Variants in HOMER2 observed in about 807,000 individuals in gnomAD.
HOMER2 encodes homer scaffold protein 2.
A neutral mutation model predicts 47.0 loss-of-function variants in HOMER2; 27 were observed. The observed-to-expected ratio is 0.57, with a 90% CI of 0.42 to 0.79. The LOEUF is 0.79. Ranked by LOEUF, HOMER2 falls within the 30% of genes least tolerant of loss-of-function variation. HOMER2 has a pLI of 0.00. For missense variants in HOMER2, 443 were observed against 435.0 expected, an observed-to-expected ratio of 1.02 and a Z score of -0.16; for synonymous variants, 161 against 163.8, an observed-to-expected ratio of 0.98 and a Z score of 0.13.
chr15:82,925,102 C>A (rs902822464), intron 1 of HOMER2, among the ~76,000 whole-genome samples: 2 of 152,178 alleles, frequency 1.3e-5, no homozygotes, highest in Non-Finnish European at 1.5e-5. Flanking sequence ...TCATCTCAGG[C>A]CTTAAGGAAT....
At chr15:82,963,130 G>A (rs1035026615) in intron 1 of HOMER2, among the ~76,000 whole-genome samples, 3 of 152,174 alleles carry the variant, frequency 2.0e-5, no homozygotes. Context: ...TGTTGCCCAG[G>A]CTAGCGTGTA....
chr15:82,918,906 C>T (rs140591796), intron 1 of HOMER2, among the ~76,000 whole-genome samples: 2 of 152,312 alleles, frequency 1.3e-5, no homozygotes, highest in African/African-American at 2.4e-5. Flanking sequence ...ATGAAAGACA[C>T]GCAGACTCAT....
intron 1 of HOMER2, among the ~76,000 whole-genome samples, chr15:82,976,112 A>AGT (rs1379552169): frequency 4.6e-5 from 7 of 152,246 alleles, no homozygotes; most frequent in South Asian, 2.1e-4. Flanking sequence ...CAATCCACAT[A>AGT]GTGTGTGTGT....
In HOMER2 at chr15:82,859,072, GGT is replaced by G. The variant is rs1474256952; in HGVS notation, c.449_450del (p.His150ProfsTer4). On this transcript the variant is annotated frameshift_variant, in exon 5 of 9. Coordinates refer to ENST00000450735, the MANE Select transcript of HOMER2 (RefSeq NM_004839.4). LOFTEE classifies it high-confidence loss of function. Reference sequence around the variant, plus strand: ...TTCAGCTTGTCATTCTCAGACTTCAGGTGTGTGTTGGCTGGACCGGCGTGAGA... The same window carrying G: ...TTCAGCTTGTCATTCTCAGACTTCAGGTGTGTTGGCTGGACCGGCGTGAGA... Reference protein sequence around the residue: ...KASHAGPANTHLKSENDKLKI... With the variant: ...KASHAGPANTXLKSENDKLKI... The G allele has an allele frequency of 1.2e-6, 2 of 1,614,018 alleles. No individual in the cohort carries two copies. The highest frequency in any genetic ancestry group is 1.3e-5 in the African/African-American group (1 of 75,044).
At chr15:82,903,231 G>C (rs1038758938) in intron 1 of HOMER2, among the ~76,000 whole-genome samples, 2 of 152,196 alleles carry the variant, frequency 1.3e-5, no homozygotes, top group African/African-American at 4.8e-5. Context: ...AAGGAAGGGA[G>C]TGGGTTCCTG....
At chr15:82,854,548 G>A in intron 6 of HOMER2, 96 bp downstream of exon 6, 12 of 1,346,514 alleles carry the variant, frequency 8.9e-6, no homozygotes, top group Admixed American at 2.1e-5. Flanking sequence ...GGGGATAAGG[G>A]CAAAGTTGGG....
At chr15:82,871,431 C>T (rs2052172722) in intron 3 of HOMER2, among the ~76,000 whole-genome samples, 2 of 152,168 alleles carry the variant, frequency 1.3e-5, no homozygotes, top group Admixed American at 1.3e-4. Flanking sequence ...CCTGGCTGTC[C>T]CCTCAGCACA....
chr15:82,937,144 G>A (rs1377328313), intron 1 of HOMER2, among the ~76,000 whole-genome samples: 1 of 152,164 alleles, frequency 6.6e-6, no homozygotes, highest in East Asian at 1.9e-4. Flanking sequence ...GGATGACAGA[G>A]GATGTGTTTC....
At chr15:82,841,814 T>C (rs2051178928) in exon 2 of HOMER2, 1 of 152,202 alleles carries the variant, frequency 6.6e-6, no homozygotes, top group Non-Finnish European at 1.5e-5. Flanking sequence ...ACTACTCTCT[T>C]ATGCAGAGGT....
At chr15:82,910,061 A>T (rs2053407910) in intron 1 of HOMER2, among the ~76,000 whole-genome samples, 1 of 132,678 alleles carries the variant, frequency 7.5e-6, no homozygotes, top group Non-Finnish European at 1.6e-5. Flanking sequence ...TGAACCTGGG[A>T]GGTAGAAGTT....
intron 1 of HOMER2, among the ~76,000 whole-genome samples, chr15:82,960,849 T>C (rs1029965828): frequency 6.6e-6 from 1 of 152,152 alleles, no homozygotes; most frequent in African/African-American, 2.4e-5. Flanking sequence ...TGTGAGGTCT[T>C]CTGGAAATCT....
At chr15:82,859,298 G>GTTT in intron 4 of HOMER2, 163 bp from the exon 5 acceptor site, 2 of 746,884 alleles carry the variant, frequency 2.7e-6, no homozygotes, top group Admixed American at 7.4e-5. Context: ...AGACTAACAA[G>GTTT]TTTTTGTTTT....
intron 2 of HOMER2, among the ~76,000 whole-genome samples, chr15:82,890,434 C>T (rs2052667729): frequency 6.6e-6 from 1 of 152,152 alleles, no homozygotes; most frequent in African/African-American, 2.4e-5. Context: ...CCAGCAGCAC[C>T]CCATGGCCTA....
exon 2 of HOMER2, chr15:82,841,300 C>G (rs1250153381): frequency 6.6e-6 from 1 of 152,010 alleles, no homozygotes; most frequent in Non-Finnish European, 1.5e-5. Context: ...TTAACATTAG[C>G]AAATCTATTA....
chr15:82,839,939 C>T (rs1567004201), exon 2 of HOMER2: 1 of 152,134 alleles, frequency 6.6e-6, no homozygotes, highest in Non-Finnish European at 1.5e-5. Context: ...AGGCCATACT[C>T]TCTTTGACAA....
At chr15:82,951,286 T>C (rs1045003496) in intron 1 of HOMER2, among the ~76,000 whole-genome samples, 9 of 152,214 alleles carry the variant, frequency 5.9e-5, no homozygotes, top group African/African-American at 2.2e-4. Context: ...CCAGTTCATG[T>C]TGGCCCACAG....
chr15:82,975,648 G>A (rs1175879027), intron 1 of HOMER2, among the ~76,000 whole-genome samples: 1 of 152,190 alleles, frequency 6.6e-6, no homozygotes, highest in Non-Finnish European at 1.5e-5. Flanking sequence ...TTACTTGTAG[G>A]ATCTAAAAAT....
chr15:82,893,363 C>T (rs1323377554), intron 1 of HOMER2, among the ~76,000 whole-genome samples: 8 of 128,592 alleles, frequency 6.2e-5, no homozygotes, highest in Non-Finnish European at 1.2e-4. Context: ...TATAGAGTCT[C>T]GCTCTGTTGC....
At chr15:82,909,713 T>C (rs1374433364) in intron 1 of HOMER2, among the ~76,000 whole-genome samples, 1 of 152,184 alleles carries the variant, frequency 6.6e-6, no homozygotes, top group Non-Finnish European at 1.5e-5. Context: ...TATTGGCTCT[T>C]TGAAGAGGAA....
Sources: gnomAD v4.1 joint callset for allele counts (sites outside exome capture counted in the v4.1 genomes callset) on GRCh38, gnomAD v4.1.1 for gene constraint, MANE v1.5 for transcripts, NCBI Gene and HGNC (gene_info 2026-07-23, HGNC 2026-07-21) for gene names.